KIAA1549: variants seen among roughly 807,000 people sequenced by gnomAD.
KIAA1549 encodes the protein UPF0606 protein KIAA1549.
In KIAA1549, 70 loss-of-function variants were observed where a neutral mutation model predicts 156.4. That is an observed-to-expected ratio of 0.45 (90% CI 0.37 to 0.55). The LOEUF is 0.55. Ranked by LOEUF, KIAA1549 falls within the 20% of genes least tolerant of loss-of-function variation. The pLI is 0.00. For missense variants in KIAA1549, 2,428 were observed against 2,540.9 expected (o/e 0.96, Z 0.96); for synonymous variants, 1,103 against 1,066.4 (o/e 1.03, Z -0.67).
chr7:138,874,733 G>T (rs911627323), intron 12 of KIAA1549, among the ~76,000 whole-genome samples: 3 of 152,222 alleles, frequency 2.0e-5, no homozygotes, highest in African/African-American at 7.2e-5. Flanking sequence ...GCTGGACATG[G>T]TGGCTCTCGC....
chr7:138,961,021 G>C (rs959836471), intron 1 of KIAA1549, among the ~76,000 whole-genome samples: 1 of 152,218 alleles, frequency 6.6e-6, no homozygotes, highest in Non-Finnish European at 1.5e-5. Flanking sequence ...AGTTCTGACA[G>C]AAGGGCCCCT....
At position 138,831,975 on chromosome 7, in the gene KIAA1549, T is replaced by C; in HGVS notation, c.*5931A>G. On this transcript the variant is annotated 3_prime_UTR_variant, in exon 20 of 20. Transcript: ENST00000422774. ...TATCTCCCTCTTCTTTCCCCACATT[T>C]GCAGGAGGAACAGTACAGCATATGC... 1 of 232,574 alleles carries C rather than the reference T, an allele frequency of 4.3e-6. No homozygotes were observed. Among genetic ancestry groups the C allele is most frequent in the Non-Finnish European group, 8.5e-6 (1 of 117,606 alleles). The allele number at this position is 232,574 out of a possible 1,614,324, so 14.4% of individuals were successfully genotyped here. A position where few individuals can be genotyped will look rare whatever the true frequency, so the allele number is the denominator to read the frequency against.
At chr7:138,966,658 A>C (rs1156422788) in intron 1 of KIAA1549, among the ~76,000 whole-genome samples, 1 of 151,888 alleles carries the variant, frequency 6.6e-6, no homozygotes, top group Non-Finnish European at 1.5e-5. Flanking sequence ...GATTGTGCTC[A>C]CCCAGATTAA....
intron 18 of KIAA1549, among the ~76,000 whole-genome samples, chr7:138,841,679 G>A (rs893268592): frequency 4.6e-5 from 7 of 152,076 alleles, no homozygotes; most frequent in Non-Finnish European, 2.9e-5. Context: ...CACCTCCTCC[G>A]TCTTTAAGTC....
Position 138,867,999 on chromosome 7 carries a change from G to A in KIAA1549, c.4905C>T (p.His1635=). ...DGTYRRPPGV[H]NSAYIGCPSD... ...CTGGGCATCCGATGTAGGCTGAGTTGTGGACGCCGGGGGGCCTCCTGTAGG... is the reference window on the plus strand; with the variant it reads ...CTGGGCATCCGATGTAGGCTGAGTTATGGACGCCGGGGGGCCTCCTGTAGG... Residue 1635 remains histidine (H), a synonymous_variant, in exon 15 of 20, where the codon CAC becomes CAT. Coordinates refer to ENST00000422774, the MANE Select transcript of KIAA1549 (RefSeq NM_001164665.2). 1 of 1,613,956 alleles carries A rather than the reference G, an allele frequency of 6.2e-7. No individual in the cohort carries two copies. The highest frequency in any genetic ancestry group is 8.5e-7 in the Non-Finnish European group (1 of 1,179,852).
chr7:138,894,804 T>C (rs1279006346), intron 9 of KIAA1549, among the ~76,000 whole-genome samples: 1 of 152,212 alleles, frequency 6.6e-6, no homozygotes, highest in Non-Finnish European at 1.5e-5. Flanking sequence ...GGTCTCCTGA[T>C]TTCCAGTTTA....
At position 138,871,478 on chromosome 7, in the gene KIAA1549, C is replaced by A. The variant is rs1810937092; in HGVS notation, c.4346-116G>T. On this transcript the variant is annotated intron_variant, in intron 12 of 19. Coordinates refer to ENST00000422774, the MANE Select transcript of KIAA1549 (RefSeq NM_001164665.2). ...TTGGATGGGCCTCTGACCAAAAATA[C>A]ATCCCCACTGCAGTAGCAGAGTGTT... 5 of 785,714 alleles carry A rather than the reference C, an allele frequency of 6.4e-6. No homozygotes were observed. The Admixed American group carries it at 1.7e-4, about 26-fold the overall frequency. 48.7% of individuals were successfully genotyped at this position (785,714 alleles called of 1,614,324 possible). A position where few individuals can be genotyped will look rare whatever the true frequency, so the allele number is the denominator to read the frequency against.
intron 10 of KIAA1549, 81 bp downstream of exon 10, chr7:138,894,261 A>G: frequency 7.6e-7 from 1 of 1,317,460 alleles, no homozygotes; most frequent in Admixed American, 1.8e-5. Flanking sequence ...CTCATCTTTC[A>G]GTATCAAGAG....
chr7:138,854,437 T>G (rs1488901901), intron 16 of KIAA1549, among the ~76,000 whole-genome samples: 1 of 152,110 alleles, frequency 6.6e-6, no homozygotes, highest in Non-Finnish European at 1.5e-5. Context: ...CACTGATACA[T>G]AACACTCCTA....
At chr7:138,970,096 T>C (rs1584792712) in intron 1 of KIAA1549, among the ~76,000 whole-genome samples, 1 of 152,236 alleles carries the variant, frequency 6.6e-6, no homozygotes, top group African/African-American at 2.4e-5. Context: ...TTTAAAAATT[T>C]TCCTTTCCTA....
chr7:138,933,754 TC>T (rs1443321561), intron 1 of KIAA1549, among the ~76,000 whole-genome samples: 2 of 152,098 alleles, frequency 1.3e-5, no homozygotes, highest in Non-Finnish European at 2.9e-5. Flanking sequence ...TCACCTGAGG[TC>T]AGGAGTTCAA....
chr7:138,908,516 T>C (rs905899545), intron 5 of KIAA1549, among the ~76,000 whole-genome samples: 21 of 152,106 alleles, frequency 1.4e-4, no homozygotes, highest in African/African-American at 4.3e-4. Flanking sequence ...ACATGGAAAG[T>C]GGATCCAGGA....
At chr7:138,937,654 G>A (rs1036600557) in intron 1 of KIAA1549, among the ~76,000 whole-genome samples, 2 of 152,292 alleles carry the variant, frequency 1.3e-5, no homozygotes, top group African/African-American at 4.8e-5. Flanking sequence ...AGGGGGTGGC[G>A]AGCACAGTGG....
intron 15 of KIAA1549, among the ~76,000 whole-genome samples, chr7:138,863,173 C>T (rs73468163): frequency 0.041 from 6,297 of 151,792 alleles, 212 homozygotes; most frequent in African/African-American, 0.082. Context: ...GTGACTGCAG[C>T]AGACACAGTG....
At chr7:138,908,840 C>T (rs1812083722) in intron 5 of KIAA1549, 151 bp downstream of exon 5, 1 of 888,426 alleles carries the variant, frequency 1.1e-6, no homozygotes, top group Admixed American at 2.7e-5. Context: ...GCTATGCCGA[C>T]CTTACGCCAC....
chr7:138,851,867 G>A (rs979355227), intron 17 of KIAA1549, among the ~76,000 whole-genome samples: 5 of 152,214 alleles, frequency 3.3e-5, no homozygotes, highest in African/African-American at 1.2e-4. Flanking sequence ...GGAATCCGCA[G>A]GTGTCCCTGG....
At chr7:138,966,185 A>G (rs993946588) in intron 1 of KIAA1549, among the ~76,000 whole-genome samples, 9 of 152,182 alleles carry the variant, frequency 5.9e-5, no homozygotes, top group African/African-American at 1.9e-4. Flanking sequence ...ACGTGGAAAC[A>G]GGGTCATCAA....
chr7:138,920,823 A>C (rs1424805793), intron 1 of KIAA1549, among the ~76,000 whole-genome samples: 1 of 152,090 alleles, frequency 6.6e-6, no homozygotes, highest in Non-Finnish European at 1.5e-5. Context: ...TCTTGAATTT[A>C]CTCTATTTTT....
chr7:138,931,132 G>T lies in KIAA1549; in HGVS notation c.188-11694C>A, dbSNP rs115303136. Among the ~76,000 whole-genome samples the T allele has an allele frequency of 8.4e-3, 1,282 of 152,248 alleles. 24 individuals carry two copies. Among genetic ancestry groups the T allele is most frequent in the African/African-American group, 0.029 (1,213 of 41,534 alleles). ...TTATTAAGTTTGCCTTTGTATATGG[G>T]CAGAGTTTGCGGCACCCCAGGACAA... On this transcript the variant is annotated intron_variant, in intron 1 of 19. Coordinates refer to ENST00000422774, the MANE Select transcript of KIAA1549 (RefSeq NM_001164665.2).
Sources: gnomAD v4.1 joint callset for allele counts (sites outside exome capture counted in the v4.1 genomes callset) on GRCh38, gnomAD v4.1.1 for gene constraint, MANE v1.5 for transcripts, NCBI Gene and HGNC (gene_info 2026-07-23, HGNC 2026-07-21) for gene names.